Variants in PCDHA5 observed in about 807,000 individuals in gnomAD.
PCDHA5 encodes the protein protocadherin alpha 5.
In PCDHA5, 43 loss-of-function variants were observed where a neutral mutation model predicts 61.6. The ratio of observed to expected loss-of-function variants is 0.70; its 90% CI spans 0.55 to 0.90. The LOEUF (loss-of-function observed/expected upper bound fraction) is 0.90, where lower values mean the gene tolerates loss of function less well. Among genes scored for constraint, PCDHA5 ranks in the 40% least tolerant of loss-of-function variants. The pLI, the probability that PCDHA5 is intolerant of heterozygous loss-of-function variation, is 0.00. For synonymous variants in PCDHA5, 627 were observed against 543.9 expected (o/e 1.15, Z -2.13); for missense variants, 1,298 against 1,222.7 (o/e 1.06, Z -0.92).
chr5:140,861,885 C>G (rs2047123718), intron 1 of PCDHA5: 1 of 155,106 alleles, frequency 6.4e-6, no homozygotes, highest in Non-Finnish European at 1.4e-5. Flanking sequence ...GCTGAGCTGA[C>G]AGGCACCAAA....
chr5:140,900,683 T>C (rs144072569), intron 1 of PCDHA5, among the ~76,000 whole-genome samples: 52 of 152,340 alleles, frequency 3.4e-4, no homozygotes, highest in African/African-American at 9.9e-4. Context: ...ATCTCTTCAA[T>C]ATACTGATTT....
chr5:140,951,321 A>AT (rs2094571430), intron 1 of PCDHA5, among the ~76,000 whole-genome samples: 1 of 152,098 alleles, frequency 6.6e-6, no homozygotes, highest in Non-Finnish European at 1.5e-5. Context: ...TATTCTTGAG[A>AT]TTCATCATTC....
At chr5:140,877,334 C>T (rs375199455) in intron 1 of PCDHA5, 1 of 1,614,002 alleles carries the variant, frequency 6.2e-7, no homozygotes, top group Non-Finnish European at 8.5e-7. Flanking sequence ...GCGCACATCC[C>T]GTTCCACGTG....
chr5:140,951,243 A>G (rs1192486913), intron 1 of PCDHA5, among the ~76,000 whole-genome samples: 3 of 152,172 alleles, frequency 2.0e-5, no homozygotes, highest in Non-Finnish European at 4.4e-5. Context: ...ACCTTTAGGA[A>G]TGCATCACAT....
At chr5:140,835,618 C>T (rs1562347401) in intron 1 of PCDHA5, 1 of 1,613,946 alleles carries the variant, frequency 6.2e-7, no homozygotes, top group South Asian at 1.1e-5. Context: ...CTGGACAGCG[C>T]TCTGGACCGC....
intron 1 of PCDHA5, among the ~76,000 whole-genome samples, chr5:140,939,247 T>C (rs1413301027): frequency 6.6e-6 from 1 of 152,246 alleles, no homozygotes; most frequent in South Asian, 2.1e-4. Context: ...GCAAGGTAGC[T>C]CTCTGGAACC....
intron 1 of PCDHA5, among the ~76,000 whole-genome samples, chr5:140,973,210 C>T (rs112667484): frequency 0.028 from 4,273 of 152,266 alleles, 188 homozygotes; most frequent in African/African-American, 0.096. Flanking sequence ...CATATTCACC[C>T]TAATTCCAGG....
At position 141,010,632 on chromosome 5, in the gene PCDHA5, A is replaced by G. The variant is rs782191972; in HGVS notation, c.*695A>G. The G allele has an allele frequency of 1.6e-5, 3 of 185,902 alleles. No individual in the cohort carries two copies. Among genetic ancestry groups the G allele is most frequent in the Non-Finnish European group, 3.4e-5 (3 of 88,214 alleles). The allele number at this position is 185,902 out of a possible 1,614,324, so 11.5% of individuals were successfully genotyped here. On this transcript the variant is annotated 3_prime_UTR_variant, in exon 4 of 4. Coordinates refer to ENST00000529859, the MANE Select transcript of PCDHA5 (RefSeq NM_018908.3). ...ACCTAAAATCTGCATCATACCTGCAAGCCAACAGTTCAGTGTTTTAACAGA... is the reference window on the plus strand; with the variant it reads ...ACCTAAAATCTGCATCATACCTGCAGGCCAACAGTTCAGTGTTTTAACAGA...
chr5:140,988,411 A>G (rs2097296392), intron 3 of PCDHA5, among the ~76,000 whole-genome samples: 1 of 152,144 alleles, frequency 6.6e-6, no homozygotes, highest in South Asian at 2.1e-4. Context: ...TTCGCAGCTT[A>G]TGTAAAGAAT....
intron 1 of PCDHA5, among the ~76,000 whole-genome samples, chr5:140,831,520 C>CT (rs2150195630): frequency 0.01 from 1,282 of 122,330 alleles, 10 homozygotes; most frequent in East Asian, 0.043. Flanking sequence ...TGCCCCCCAC[C>CT]TTTTTTTTTT....
At chr5:140,882,188 A>G (rs1446435577) in intron 1 of PCDHA5, 6 of 1,519,650 alleles carry the variant, frequency 3.9e-6, no homozygotes, top group African/African-American at 1.4e-5. Context: ...CTAGGAAGCC[A>G]TAAAAATTGG....
intron 1 of PCDHA5, among the ~76,000 whole-genome samples, chr5:140,890,753 C>A (rs1274674281): frequency 3.3e-5 from 5 of 152,114 alleles, no homozygotes; most frequent in Admixed American, 2.6e-4. Flanking sequence ...TTCTGTCATG[C>A]TTTAAAAATA....
At chr5:140,940,349 C>T (rs1437069133) in intron 1 of PCDHA5, among the ~76,000 whole-genome samples, 14 of 152,156 alleles carry the variant, frequency 9.2e-5, no homozygotes, top group African/African-American at 2.9e-4. Flanking sequence ...GTGTGTCCAA[C>T]ATGCTATTAA....
chr5:140,843,036 G>A (rs2150350746), intron 1 of PCDHA5: 3 of 1,595,194 alleles, frequency 1.9e-6, no homozygotes, highest in Middle Eastern at 1.7e-4. Context: ...CGGGTGGGTG[G>A]CACTGGTGGC....
chr5:140,837,353 A>G (rs1415988517), intron 1 of PCDHA5, among the ~76,000 whole-genome samples: 12 of 152,028 alleles, frequency 7.9e-5, no homozygotes, highest in Non-Finnish European at 5.9e-5. Flanking sequence ...AATAGTTTAA[A>G]TGGCAGTTTA....
At chr5:140,834,441 A>T in intron 1 of PCDHA5, 1 of 1,613,992 alleles carries the variant, frequency 6.2e-7, no homozygotes, top group Non-Finnish European at 8.5e-7. Context: ...GTTTATTATA[A>T]TTCTAGCAGC....
At chr5:140,928,272 T>TG in intron 1 of PCDHA5, 1 of 1,614,156 alleles carries the variant, frequency 6.2e-7, no homozygotes, top group Admixed American at 1.7e-5. Context: ...ACAATGGCCC[T>TG]GGGGCCTCTC....
rs782094851 is a variant in PCDHA5, at chr5:140,857,519, T to C, written c.2352+33392T>C. 175 of 1,597,972 alleles carry C rather than the reference T, an allele frequency of 1.1e-4. 14 individuals are homozygous for C. The highest frequency in any genetic ancestry group is 1.4e-4 in the Non-Finnish European group (163 of 1,167,816). On this transcript the variant is annotated intron_variant, in intron 1 of 3. Coordinates refer to ENST00000529859, the MANE Select transcript of PCDHA5 (RefSeq NM_018908.3). ...CGCGCAGGAGAACGCCCTGGTGTCCTACTCTCTGGTGGAGCGGCGGTTGGG... is the reference window on the plus strand; with the variant it reads ...CGCGCAGGAGAACGCCCTGGTGTCCCACTCTCTGGTGGAGCGGCGGTTGGG...
chr5:140,833,070 T>C lies in PCDHA5; in HGVS notation c.2352+8943T>C, dbSNP rs149875221. Among the ~76,000 whole-genome samples the C allele has an allele frequency of 3.8e-4, 58 of 152,314 alleles. No homozygotes were observed. The East Asian group carries it at 0.01, about 27-fold the overall frequency. ...GAAAAGTAATATGAGAAAAACCTTT[T>C]GTATAACTTTGAGTACTAGACGAGT... On this transcript the variant is annotated intron_variant, in intron 1 of 3. Coordinates refer to ENST00000529859, the MANE Select transcript of PCDHA5 (RefSeq NM_018908.3).
Sources: allele counts gnomAD v4.1 joint callset (sites outside exome capture counted in the v4.1 genomes callset), GRCh38; gene constraint gnomAD v4.1.1; transcripts MANE v1.5; gene names NCBI Gene and HGNC (gene_info 2026-07-23, HGNC 2026-07-21).